NEK4: variants seen among roughly 807,000 people sequenced by gnomAD.
NEK4 encodes the protein NIMA related kinase 4.
In NEK4, 86 loss-of-function variants were observed where a neutral mutation model predicts 98.4. The ratio of observed to expected loss-of-function variants is 0.87; its 90% CI spans 0.73 to 1.05. NEK4 has a LOEUF of 1.05. Ranked by LOEUF, NEK4 falls within the 50% of genes least tolerant of loss-of-function variation. The pLI is 0.00. For synonymous variants in NEK4, 328 were observed against 342.2 expected (o/e 0.96, Z 0.46); for missense variants, 898 against 950.3 (o/e 0.94, Z 0.72).
intron 6 of NEK4, among the ~76,000 whole-genome samples, chr3:52,755,161 A>G (rs916133060): frequency 3.3e-5 from 5 of 152,004 alleles, no homozygotes; most frequent in African/African-American, 1.2e-4. Context: ...CAGAAAGACA[A>G]ATATTGTATG....
At chr3:52,729,431 GGGCACGGTGGCTCACACCT>G (rs2097367538) in intron 15 of NEK4, among the ~76,000 whole-genome samples, 3 of 151,916 alleles carry the variant, frequency 2.0e-5, no homozygotes, top group Non-Finnish European at 4.4e-5. Context: ...AAAAAAGGGC[GGGCACGGTGGCTCACACCT>G]GTAATCCTAG....
intron 6 of NEK4, among the ~76,000 whole-genome samples, chr3:52,752,813 T>C (rs116733298): frequency 0.012 from 1,742 of 148,294 alleles, 43 homozygotes; most frequent in African/African-American, 0.041. Context: ...TGCGGGAGGA[T>C]TGCTTGAGCC....
chr3:52,762,562 A>AT (rs577972108), intron 5 of NEK4, among the ~76,000 whole-genome samples: 1 of 152,340 alleles, frequency 6.6e-6, no homozygotes, highest in South Asian at 2.1e-4. Context: ...GACTGGGAGA[A>AT]TATGCCACGC....
intron 15 of NEK4, among the ~76,000 whole-genome samples, chr3:52,724,195 C>T (rs949450122): frequency 3.3e-5 from 5 of 149,790 alleles, no homozygotes; most frequent in Admixed American, 2.7e-4. Context: ...ATGGCGCCAC[C>T]GCACTCCACC....
chr3:52,767,989 A>G (rs916364172), intron 2 of NEK4, among the ~76,000 whole-genome samples: 10 of 152,200 alleles, frequency 6.6e-5, no homozygotes, highest in African/African-American at 1.9e-4. Flanking sequence ...GGGCATATCA[A>G]TTAGCCTAGC....
At chr3:52,741,350 C>CATTTAATATTCATTAAAACAGAA in intron 13 of NEK4, 61 bp downstream of exon 13, 1 of 969,500 alleles carries the variant, frequency 1.0e-6, no homozygotes, top group Non-Finnish European at 1.7e-6. Flanking sequence ...TGAAAATGCA[C>CATTTAATATTCATTAAAACAGAA]ATTTAATATT....
rs552324175 is a variant in NEK4 at position 52,730,469 on chromosome 3, G to C, written c.2433+7117C>G. 4.6e-5 allele frequency among the ~76,000 whole-genome samples: 7 copies of C among 152,304 alleles called. No homozygotes were observed. The East Asian group carries it at 1.4e-3, about 29-fold the overall frequency. On this transcript the variant is annotated intron_variant, in intron 15 of 15. Transcript: ENST00000233027. ...CGACAATGCCCTGGTGCTGGGGCCA[G>C]ACAGGGACACTACAGGAAAAGAGAA...
intron 4 of NEK4, among the ~76,000 whole-genome samples, chr3:52,764,770 A>G: frequency 1.3e-5 from 1 of 76,522 alleles, no homozygotes; most frequent in Admixed American, 1.4e-4. Flanking sequence ...ATGCACACAC[A>G]CACACATGCA....
intron 1 of NEK4, among the ~76,000 whole-genome samples, chr3:52,769,402 T>G (rs1308605441): frequency 6.6e-6 from 1 of 152,194 alleles, no homozygotes; most frequent in Non-Finnish European, 1.5e-5. Flanking sequence ...ACAAAATTAT[T>G]CACACTTAAA....
intron 15 of NEK4, among the ~76,000 whole-genome samples, chr3:52,728,976 G>A (rs13086623): frequency 0.34 from 51,206 of 151,640 alleles, 9,598 homozygotes; most frequent in Admixed American, 0.46. Flanking sequence ...CTCTGCTCTC[G>A]AACTGTGATT....
chr3:52,709,951 A>T lies in NEK4; in HGVS notation c.*1826T>A, dbSNP rs1415886569. 6.6e-6 allele frequency: 1 copy of T among 152,186 alleles called. No individual in the cohort carries two copies. Among genetic ancestry groups the T allele is most frequent in the Non-Finnish European group, 1.5e-5 (1 of 68,040 alleles). 9.4% of individuals were successfully genotyped at this position (152,186 alleles called of 1,614,324 possible). A position where few individuals can be genotyped will look rare whatever the true frequency, so the allele number is the denominator to read the frequency against. ...CTAGCAAACCCTTCAAAGTGAAAAT[A>T]AGAGTTATCAGAAACCAGGCTGTGA... On this transcript the variant is annotated 3_prime_UTR_variant, in exon 16 of 16. Transcript: ENST00000233027.
At chr3:52,745,152 CT>C (rs746490178) in intron 10 of NEK4, among the ~76,000 whole-genome samples, 2 of 151,968 alleles carry the variant, frequency 1.3e-5, no homozygotes, top group African/African-American at 2.4e-5. Context: ...ATCTCCTGAC[CT>C]TGTGATCTGC....
intron 15 of NEK4, among the ~76,000 whole-genome samples, chr3:52,716,898 C>A (rs1199939348): frequency 6.6e-6 from 1 of 152,220 alleles, no homozygotes; most frequent in Non-Finnish European, 1.5e-5. Flanking sequence ...CTACTCCAGG[C>A]CAGTGAAGGC....
intron 15 of NEK4, chr3:52,733,006 C>A: frequency 4.7e-6 from 1 of 214,410 alleles, no homozygotes; most frequent in South Asian, 8.9e-5. Flanking sequence ...CTCAGTTCCA[C>A]CACTTCAAAA....
At chr3:52,743,194 G>T in intron 12 of NEK4, 158 bp downstream of exon 12, 1 of 630,042 alleles carries the variant, frequency 1.6e-6, no homozygotes, top group Non-Finnish European at 2.8e-6. Context: ...TAATCCTTTT[G>T]ACTATTATTT....
intron 15 of NEK4, among the ~76,000 whole-genome samples, chr3:52,721,271 G>C (rs988938415): frequency 7.2e-5 from 11 of 152,208 alleles, no homozygotes; most frequent in Non-Finnish European, 7.3e-5. Context: ...TACAGATATA[G>C]AAGCAGGAAA....
chr3:52,724,983 A>T (rs933065135), intron 15 of NEK4, among the ~76,000 whole-genome samples: 1 of 152,214 alleles, frequency 6.6e-6, no homozygotes, highest in Non-Finnish European at 1.5e-5. Context: ...TAAAAGAAAT[A>T]CCTTTGGTAA....
intron 7 of NEK4, among the ~76,000 whole-genome samples, chr3:52,751,381 G>A (rs1023882083): frequency 4.0e-5 from 6 of 151,556 alleles, no homozygotes; most frequent in Admixed American, 2.0e-4. Flanking sequence ...GTGTGAACCC[G>A]GGAGGCGGAG....
chr3:52,754,343 G>C (rs1357837896), intron 6 of NEK4: 2 of 388,614 alleles, frequency 5.1e-6, no homozygotes, highest in Admixed American at 6.7e-5. Flanking sequence ...AACCAAATTT[G>C]GCAAGTACTA....
Sources: gnomAD v4.1 joint callset for allele counts (sites outside exome capture counted in the v4.1 genomes callset) on GRCh38, gnomAD v4.1.1 for gene constraint, MANE v1.5 for transcripts, NCBI Gene and HGNC (gene_info 2026-07-23, HGNC 2026-07-21) for gene names.